The following TBC1D14 variants were observed in gnomAD, a reference collection of about 807,000 sequenced individuals.
TBC1D14 encodes the protein TBC1 domain family, member 14.
TBC1D14 carries 26 observed loss-of-function variants against 79.0 expected under a neutral mutation model. The observed-to-expected ratio is 0.33, with a 90% CI of 0.24 to 0.46. The LOEUF is 0.46. Ranked by LOEUF, TBC1D14 falls within the 20% of genes least tolerant of loss-of-function variation. TBC1D14 has a pLI of 1.00. For synonymous variants in TBC1D14, 394 were observed against 349.9 expected, an observed-to-expected ratio of 1.13 and a Z score of -1.40; for missense variants, 769 against 887.6, an observed-to-expected ratio of 0.87 and a Z score of 1.70.
intron 12 of TBC1D14, among the ~76,000 whole-genome samples, chr4:7,020,700 T>C (rs1349520632): frequency 6.6e-6 from 1 of 152,234 alleles, no homozygotes; most frequent in Admixed American, 6.5e-5. Flanking sequence ...TTTCTTGTTT[T>C]GTTTTGTTTT....
upstream of TBC1D14, among the ~76,000 whole-genome samples, chr4:6,909,657 G>GGACAGCCGGGCGAGC (rs1390240748): frequency 7.2e-5 from 11 of 151,748 alleles, no homozygotes; most frequent in African/African-American, 2.4e-4. Flanking sequence ...CCCGGAAGAG[G>GGACAGCCGGGCGAGC]GACAGCCGGG....
Position 7,001,247 on chromosome 4 carries a change from C to G in TBC1D14, c.1266C>G (p.Thr422=). The G allele has an allele frequency of 1.2e-6, 2 of 1,613,540 alleles. No homozygotes were observed. The highest frequency in any genetic ancestry group is 1.7e-6 in the Non-Finnish European group (2 of 1,179,684). Residue 422 remains threonine, a synonymous_variant, in exon 7 of 14, where the codon ACC becomes ACG. Coordinates refer to ENST00000409757, the MANE Select transcript of TBC1D14 (RefSeq NM_020773.3). ...SLAIGNELNI[T]HELFDICLAR... ...CCATTGGCAACGAGTTAAATATCACCCACGGTGAGTGGCCTGCATGATCCT... is the reference window on the plus strand; with the variant it reads ...CCATTGGCAACGAGTTAAATATCACGCACGGTGAGTGGCCTGCATGATCCT...
intron 2 of TBC1D14, among the ~76,000 whole-genome samples, chr4:6,949,973 G>A (rs1223694264): frequency 1.3e-5 from 2 of 152,110 alleles, no homozygotes; most frequent in Non-Finnish European, 2.9e-5. Flanking sequence ...GTATACATGT[G>A]TTGTGGTTGT....
intron 3 of TBC1D14, chr4:6,987,181 G>C: frequency 8.2e-7 from 1 of 1,216,674 alleles, no homozygotes; most frequent in Non-Finnish European, 1.0e-6. Flanking sequence ...TCGCCTCGCT[G>C]TGTCTGCGCG....
chr4:7,012,195 G>T (rs1372667393), intron 11 of TBC1D14, among the ~76,000 whole-genome samples: 1 of 151,826 alleles, frequency 6.6e-6, no homozygotes, highest in African/African-American at 2.4e-5. Flanking sequence ...CCAGCTAGTC[G>T]GGAGACTGAG....
chr4:7,026,816 G>C (rs549768562), intron 13 of TBC1D14, among the ~76,000 whole-genome samples: 1 of 152,262 alleles, frequency 6.6e-6, no homozygotes, highest in Admixed American at 6.5e-5. Context: ...AGGACCATTT[G>C]AGCCTGGGAG....
Position 6,963,125 on chromosome 4 carries a change from G to C in TBC1D14, c.723-4179G>C, listed in dbSNP as rs556182661. The stretch of plus-strand genomic sequence containing the variant: ...GAAGCAGGGGAGCCCAGGCCCGGCA[G>C]CTGGTCCGGGAGGGCTCTGCAGAAT... On this transcript the variant is annotated intron_variant, in intron 2 of 13. Coordinates refer to ENST00000409757, the MANE Select transcript of TBC1D14 (RefSeq NM_020773.3). Among the ~76,000 whole-genome samples the C allele has an allele frequency of 6.2e-4, 94 of 152,372 alleles. 2 individuals carry two copies. In the South Asian group the frequency reaches 0.019, roughly 31 times the overall value.
chr4:6,976,544 C>A (rs1224920424), intron 3 of TBC1D14, among the ~76,000 whole-genome samples: 2 of 152,192 alleles, frequency 1.3e-5, no homozygotes, highest in Non-Finnish European at 2.9e-5. Context: ...AAAGAACTGT[C>A]AACCCAAATT....
At chr4:6,968,886 G>A (rs541511772) in intron 3 of TBC1D14, among the ~76,000 whole-genome samples, 35 of 152,338 alleles carry the variant, frequency 2.3e-4, no homozygotes, top group Admixed American at 1.8e-3. Context: ...CCAGTGCTGC[G>A]TCGTGGGGTT....
chr4:6,942,799 C>T (rs1306616114), intron 2 of TBC1D14, among the ~76,000 whole-genome samples: 2 of 152,132 alleles, frequency 1.3e-5, no homozygotes. Flanking sequence ...AACCATATCT[C>T]CTGGGTCACC....
chr4:7,017,295 C>T (rs1577178838), intron 12 of TBC1D14, among the ~76,000 whole-genome samples: 1 of 152,140 alleles, frequency 6.6e-6, no homozygotes, highest in African/African-American at 2.4e-5. Flanking sequence ...GTGGGCCTCT[C>T]TCTCCAAAAC....
intron 2 of TBC1D14, among the ~76,000 whole-genome samples, chr4:6,955,300 C>G (rs1577081028): frequency 6.6e-6 from 1 of 152,212 alleles, no homozygotes; most frequent in Admixed American, 6.5e-5. Context: ...GTTTTGCCTT[C>G]TCTACCTTTG....
At chr4:6,987,410 C>A in intron 3 of TBC1D14, 1 of 1,317,656 alleles carries the variant, frequency 7.6e-7, no homozygotes, top group South Asian at 1.9e-5. Flanking sequence ...GTCCCGTGGG[C>A]CTGTCCTGTC....
At chr4:7,024,918 T>A (rs1722194980) in intron 12 of TBC1D14, 86 bp from the exon 13 acceptor site, 1 of 1,561,510 alleles carries the variant, frequency 6.4e-7, no homozygotes. Flanking sequence ...AGGGGAGTGT[T>A]TTTCATGGAA....
intron 3 of TBC1D14, 30 bp downstream of exon 3, chr4:6,967,454 G>A (rs1715804476): frequency 6.2e-7 from 1 of 1,606,222 alleles, no homozygotes; most frequent in African/African-American, 1.3e-5. Flanking sequence ...ACAGAAATAG[G>A]CTGTTGGATG....
rs1012180155 is a variant in TBC1D14, at chr4:6,909,836, C to T, written c.-133C>T. ...GGGCTGCTCGCGCGCACCTGCGGGTCGGACCCGCTGCCTACCGCGTGCCCG... is the reference window on the plus strand; with the variant it reads ...GGGCTGCTCGCGCGCACCTGCGGGTTGGACCCGCTGCCTACCGCGTGCCCG... On this transcript the variant is annotated 5_prime_UTR_variant, in exon 1 of 14. Coordinates refer to ENST00000409757, the MANE Select transcript of TBC1D14 (RefSeq NM_020773.3). 6.7e-6 allele frequency: 1 copy of T among 148,270 alleles called. No homozygotes were observed. The highest frequency in any genetic ancestry group is 1.5e-5 in the Non-Finnish European group (1 of 66,478). The allele number at this position is 148,270 out of a possible 1,614,324, so 9.2% of individuals were successfully genotyped here. A position where few individuals can be genotyped will look rare whatever the true frequency, so the allele number is the denominator to read the frequency against.
intron 2 of TBC1D14, among the ~76,000 whole-genome samples, chr4:6,944,253 T>G (rs560286924): frequency 9.8e-5 from 15 of 152,328 alleles, no homozygotes; most frequent in Admixed American, 3.3e-4. Context: ...GTCCTGCTTT[T>G]CTACGTAGAG....
chr4:6,918,850 A>T (rs1723607645), intron 1 of TBC1D14, among the ~76,000 whole-genome samples: 2 of 152,210 alleles, frequency 1.3e-5, no homozygotes, highest in African/African-American at 4.8e-5. Context: ...ATTAAAGTGT[A>T]TGTAGAACTT....
chr4:6,933,935 A>T (rs983455767), intron 2 of TBC1D14, among the ~76,000 whole-genome samples: 1 of 152,114 alleles, frequency 6.6e-6, no homozygotes, highest in Non-Finnish European at 1.5e-5. Flanking sequence ...TGAAGAATGG[A>T]TGTGGGTGTG....
Sources: gnomAD v4.1 joint callset for allele counts (sites outside exome capture counted in the v4.1 genomes callset) on GRCh38, gnomAD v4.1.1 for gene constraint, MANE v1.5 for transcripts, NCBI Gene and HGNC (gene_info 2026-07-23, HGNC 2026-07-21) for gene names.